ATP8A2: variants seen among roughly 807,000 people sequenced by gnomAD.
The protein encoded by ATP8A2 is ATPase phospholipid transporting 8A2.
A neutral mutation model predicts 165.6 loss-of-function variants in ATP8A2; 100 were observed. The observed-to-expected ratio is 0.60, with a 90% confidence interval of 0.51 to 0.71. The LOEUF (loss-of-function observed/expected upper bound fraction) is 0.71, where lower values mean the gene tolerates loss of function less well. ATP8A2 is among the 30% of genes least tolerant of loss of function. The pLI, the probability that ATP8A2 is intolerant of heterozygous loss-of-function variation, is 0.00. For missense variants in ATP8A2, 1,227 were observed against 1,479.5 expected (o/e 0.83, Z 2.80); for synonymous variants, 543 against 548.8 (o/e 0.99, Z 0.15).
At chr13:25,955,973 C>A (rs184082263) in intron 33 of ATP8A2, among the ~76,000 whole-genome samples, 3 of 152,136 alleles carry the variant, frequency 2.0e-5, no homozygotes, top group African/African-American at 7.2e-5. Flanking sequence ...GTTCAACATA[C>A]GCAAATCAAT....
At position 25,491,089 on chromosome 13, in the gene ATP8A2, A is replaced by T. The variant is rs188236726; in HGVS notation, c.221+21968A>T. Among the ~76,000 whole-genome samples, 737 of 152,260 alleles carry T rather than the reference A, an allele frequency of 4.8e-3. 7 individuals are homozygous for T. The highest frequency in any genetic ancestry group is 0.017 in the African/African-American group (709 of 41,540). Reference sequence around the variant, plus strand: ...AGCAGATATAGTGTGTATATATATAAAATATACACACATATATTCTTCAAT... The same window carrying T: ...AGCAGATATAGTGTGTATATATATATAATATACACACATATATTCTTCAAT... On this transcript the variant is annotated intron_variant, in intron 2 of 36. Coordinates refer to ENST00000381655, the MANE Select transcript of ATP8A2 (RefSeq NM_016529.6).
At chr13:25,708,121 CAG>C (rs911271453) in intron 25 of ATP8A2, among the ~76,000 whole-genome samples, 6 of 152,042 alleles carry the variant, frequency 3.9e-5, no homozygotes, top group African/African-American at 1.4e-4. Context: ...CCAAATGAAA[CAG>C]GGTGATACGA....
chr13:25,857,092 C>T (rs1257512060), intron 30 of ATP8A2, among the ~76,000 whole-genome samples: 3 of 152,338 alleles, frequency 2.0e-5, no homozygotes, highest in East Asian at 3.9e-4. Flanking sequence ...CTGTGGTCCA[C>T]ATTTGTCTGC....
chr13:25,488,644 G>A (rs1463222474), intron 2 of ATP8A2, among the ~76,000 whole-genome samples: 1 of 152,148 alleles, frequency 6.6e-6, no homozygotes, highest in Non-Finnish European at 1.5e-5. Context: ...GGTGGAGGTT[G>A]CAGTGAGCCA....
chr13:25,997,713 G>A (rs1956541361), intron 35 of ATP8A2, among the ~76,000 whole-genome samples: 1 of 152,060 alleles, frequency 6.6e-6, no homozygotes, highest in South Asian at 2.1e-4. Context: ...TTCTGCTGTT[G>A]AGCCCATCCA....
chr13:25,392,994 T>C (rs1003073761), intron 1 of ATP8A2, among the ~76,000 whole-genome samples: 3 of 152,126 alleles, frequency 2.0e-5, no homozygotes, highest in African/African-American at 7.2e-5. Flanking sequence ...CAAACCCAAA[T>C]GTCCCCTTTT....
rs112841650 is a variant in ATP8A2 at position 25,577,163 on chromosome 13, G to T, written c.1782+25G>T. The T allele has an allele frequency of 3.1e-6, 5 of 1,600,748 alleles. No homozygotes were observed. In the South Asian group the frequency reaches 4.4e-5, roughly 14 times the overall value. Reference sequence around the variant, plus strand: ...TGTAAGTACCGGAGAAGCGTTGTGCGTAGCGGAGTTCTTGGCAGCTTTGTT... The same window carrying T: ...TGTAAGTACCGGAGAAGCGTTGTGCTTAGCGGAGTTCTTGGCAGCTTTGTT... On this transcript the variant is annotated intron_variant, in intron 20 of 36. Coordinates refer to ENST00000381655, the MANE Select transcript of ATP8A2 (RefSeq NM_016529.6).
intron 1 of ATP8A2, among the ~76,000 whole-genome samples, chr13:25,395,046 G>A: frequency 6.6e-6 from 1 of 152,066 alleles, no homozygotes; most frequent in Admixed American, 6.5e-5. Flanking sequence ...ACTTCTTTGG[G>A]TCTCTCTCTA....
chr13:25,397,501 C>T (rs1202102029), intron 1 of ATP8A2, among the ~76,000 whole-genome samples: 1 of 152,112 alleles, frequency 6.6e-6, no homozygotes, highest in Non-Finnish European at 1.5e-5. Flanking sequence ...TGACTCAGTG[C>T]ACAGTCACAC....
At chr13:25,832,141 A>G (rs1434236228) in intron 28 of ATP8A2, among the ~76,000 whole-genome samples, 1 of 151,898 alleles carries the variant, frequency 6.6e-6, no homozygotes, top group Admixed American at 6.6e-5. Context: ...GGGTTTCACC[A>G]TGGCCAGGCT....
chr13:25,954,800 C>T (rs974194102), intron 33 of ATP8A2, among the ~76,000 whole-genome samples: 1 of 152,178 alleles, frequency 6.6e-6, no homozygotes, highest in African/African-American at 2.4e-5. Context: ...GGAATTTCAT[C>T]AACATCAACA....
chr13:25,496,072 T>C (rs944732047), intron 2 of ATP8A2, among the ~76,000 whole-genome samples: 7 of 152,172 alleles, frequency 4.6e-5, no homozygotes, highest in Admixed American at 4.6e-4. Context: ...CTGGCTGTAT[T>C]GTCTGACTTC....
chr13:25,938,076 A>T (rs1441181300), intron 33 of ATP8A2, among the ~76,000 whole-genome samples: 1 of 152,076 alleles, frequency 6.6e-6, no homozygotes, highest in Non-Finnish European at 1.5e-5. Flanking sequence ...ATAAATTGAA[A>T]TATATTGGAA....
chr13:25,975,328 C>G (rs186353188), intron 35 of ATP8A2, among the ~76,000 whole-genome samples: 2 of 152,132 alleles, frequency 1.3e-5, no homozygotes, highest in South Asian at 4.1e-4. Context: ...AATCCCAGCA[C>G]TTTGGGAGGC....
chr13:25,945,565 T>TA (rs1449601249), intron 33 of ATP8A2, among the ~76,000 whole-genome samples: 1 of 152,130 alleles, frequency 6.6e-6, no homozygotes, highest in African/African-American at 2.4e-5. Flanking sequence ...ATTTTTCTAT[T>TA]AAAAAATAAC....
At chr13:25,899,895 G>GA (rs1030364165) in intron 33 of ATP8A2, among the ~76,000 whole-genome samples, 12 of 152,148 alleles carry the variant, frequency 7.9e-5, no homozygotes, top group African/African-American at 2.9e-4. Context: ...AAAATAGGTG[G>GA]TACAGGGGAA....
chr13:25,402,350 TATGAG>T (rs1282494066), intron 1 of ATP8A2, among the ~76,000 whole-genome samples: 1 of 152,188 alleles, frequency 6.6e-6, no homozygotes, highest in Non-Finnish European at 1.5e-5. Context: ...GGCTCTTGTA[TATGAG>T]AGCAAGGTGT....
intron 2 of ATP8A2, among the ~76,000 whole-genome samples, chr13:25,512,699 T>A (rs1297926906): frequency 9.2e-6 from 1 of 108,278 alleles, no homozygotes; most frequent in African/African-American, 3.6e-5. Context: ...CCCCCCAACC[T>A]CCCTCCCGGA....
chr13:25,554,549 G>A lies in ATP8A2; in HGVS notation c.1186-442G>A, dbSNP rs181351567. ...TGTGTATGTGTGTGTGTGTGTGTGT[G>A]TGTGTGTGTGTGTGTGTATTTCTTT... On this transcript the variant is annotated intron_variant, in intron 12 of 36. Transcript: ENST00000381655. Among the ~76,000 whole-genome samples the A allele has an allele frequency of 4.5e-3, 677 of 151,576 alleles. 7 individuals carry two copies. Among genetic ancestry groups the A allele is most frequent in the African/African-American group, 0.016 (644 of 41,230 alleles).
Sources: allele counts gnomAD v4.1 joint callset (sites outside exome capture counted in the v4.1 genomes callset), GRCh38; gene constraint gnomAD v4.1.1; transcripts MANE v1.5; gene names NCBI Gene and HGNC (gene_info 2026-07-23, HGNC 2026-07-21).